Variants in HS3ST4 observed in about 807,000 individuals in gnomAD.
HS3ST4 encodes the protein heparan sulfate-glucosamine 3-sulfotransferase 4.
In HS3ST4, 17 loss-of-function variants were observed where a neutral mutation model predicts 29.2. The ratio of observed to expected loss-of-function variants is 0.58; its 90% CI spans 0.40 to 0.87. The LOEUF (loss-of-function observed/expected upper bound fraction) is 0.87. HS3ST4 is among the 40% of genes least tolerant of loss of function. HS3ST4 has a pLI of 0.00. For synonymous variants in HS3ST4, 314 were observed against 285.7 expected (o/e 1.10, Z -1.00); for missense variants, 627 against 634.5 (o/e 0.99, Z 0.13).
At chr16:25,743,223 T>G (rs1312111961) in intron 1 of HS3ST4, among the ~76,000 whole-genome samples, 1 of 152,190 alleles carries the variant, frequency 6.6e-6, no homozygotes, top group East Asian at 1.9e-4. Context: ...ATCTTGGCTG[T>G]GCATGCATCT....
At chr16:26,090,871 C>A (rs565233705) in intron 1 of HS3ST4, among the ~76,000 whole-genome samples, 2 of 152,084 alleles carry the variant, frequency 1.3e-5, no homozygotes, top group African/African-American at 4.8e-5. Context: ...TTGCAAGAAG[C>A]CCATAGTGGG....
At chr16:26,103,329 A>G (rs1436087896) in intron 1 of HS3ST4, among the ~76,000 whole-genome samples, 1 of 152,174 alleles carries the variant, frequency 6.6e-6, no homozygotes, top group Non-Finnish European at 1.5e-5. Flanking sequence ...AAGAAGTTGT[A>G]GTGTCTGATG....
At chr16:25,793,639 A>G (rs977010286) in intron 1 of HS3ST4, among the ~76,000 whole-genome samples, 1 of 151,942 alleles carries the variant, frequency 6.6e-6, no homozygotes, top group Non-Finnish European at 1.5e-5. Flanking sequence ...TAGCTTTCCC[A>G]GTCCCTTACT....
intron 1 of HS3ST4, among the ~76,000 whole-genome samples, chr16:25,738,634 A>G (rs1966628999): frequency 6.6e-6 from 1 of 152,138 alleles, no homozygotes; most frequent in Admixed American, 6.5e-5. Flanking sequence ...TGACAGTAGC[A>G]TCCCTTTGAG....
At chr16:26,036,357 C>T (rs935070069) in intron 1 of HS3ST4, among the ~76,000 whole-genome samples, 5 of 152,180 alleles carry the variant, frequency 3.3e-5, no homozygotes, top group Non-Finnish European at 7.3e-5. Flanking sequence ...TGCTCAAAAA[C>T]CATCTGTGAA....
At chr16:25,840,140 T>A (rs1355290858) in intron 1 of HS3ST4, among the ~76,000 whole-genome samples, 2 of 152,368 alleles carry the variant, frequency 1.3e-5, no homozygotes, top group Admixed American at 6.5e-5. Context: ...ATCACTTTCA[T>A]ACTGATACTC....
chr16:25,799,057 C>G (rs1253762420), intron 1 of HS3ST4, among the ~76,000 whole-genome samples: 1 of 152,066 alleles, frequency 6.6e-6, no homozygotes, highest in Admixed American at 6.6e-5. Flanking sequence ...ACTTGAATAC[C>G]CCGGTTGTCA....
chr16:25,940,865 C>A (rs541634801), intron 1 of HS3ST4, among the ~76,000 whole-genome samples: 14 of 152,344 alleles, frequency 9.2e-5, no homozygotes, highest in Admixed American at 5.9e-4. Flanking sequence ...CATCTCCCCC[C>A]AGCTCTCTCC....
chr16:25,996,238 T>C (rs1969158165), intron 1 of HS3ST4, among the ~76,000 whole-genome samples: 1 of 152,128 alleles, frequency 6.6e-6, no homozygotes. Flanking sequence ...GTATCCGCCA[T>C]TTGTTAAATG....
chr16:25,874,747 T>C (rs186231137), intron 1 of HS3ST4, among the ~76,000 whole-genome samples: 1 of 152,282 alleles, frequency 6.6e-6, no homozygotes, highest in Admixed American at 6.5e-5. Context: ...ATATAGTAGA[T>C]ACTCAATTAA....
At chr16:26,132,827 G>T (rs938312751) in intron 1 of HS3ST4, among the ~76,000 whole-genome samples, 1 of 152,102 alleles carries the variant, frequency 6.6e-6, no homozygotes, top group Admixed American at 6.5e-5. Flanking sequence ...ATCTGGAAAA[G>T]GCCGTATAAA....
intron 1 of HS3ST4, among the ~76,000 whole-genome samples, chr16:25,979,823 C>T (rs1173873793): frequency 6.6e-6 from 1 of 152,170 alleles, no homozygotes; most frequent in Non-Finnish European, 1.5e-5. Flanking sequence ...GACCTGGGCA[C>T]TTCTCCTCTC....
intron 1 of HS3ST4, among the ~76,000 whole-genome samples, chr16:25,913,907 T>C (rs1398805235): frequency 1.4e-5 from 2 of 145,954 alleles, no homozygotes; most frequent in Admixed American, 6.8e-5. Flanking sequence ...AGTGTATGTG[T>C]GTGCATATGT....
chr16:25,732,194 T>A lies in HS3ST4; in HGVS notation c.734+39043T>A, dbSNP rs146134870. 4.3e-4 allele frequency among the ~76,000 whole-genome samples: 66 copies of A among 152,312 alleles called. No homozygotes were observed. In the East Asian group the frequency reaches 8.7e-3, roughly 20 times the overall value. ...ATTGTCTAGAACACATATTGTGATT[T>A]TTCCCCTTTTCCACTTTCTCTTCTG... On this transcript the variant is annotated intron_variant, in intron 1 of 1. Transcript: ENST00000331351.
intron 1 of HS3ST4, among the ~76,000 whole-genome samples, chr16:26,073,190 T>G (rs1898620704): frequency 6.6e-6 from 1 of 152,190 alleles, no homozygotes; most frequent in Admixed American, 6.5e-5. Flanking sequence ...ATGCACCATT[T>G]TATGCCAATT....
intron 1 of HS3ST4, among the ~76,000 whole-genome samples, chr16:25,982,398 A>G: frequency 6.6e-6 from 1 of 152,312 alleles, no homozygotes; most frequent in African/African-American, 2.4e-5. Context: ...CCTGTGTAGG[A>G]TCATCCCGAC....
intron 1 of HS3ST4, among the ~76,000 whole-genome samples, chr16:25,761,672 G>A (rs530348830): frequency 1.1e-4 from 17 of 152,308 alleles, no homozygotes; most frequent in African/African-American, 3.6e-4. Context: ...ACAAAAGGCA[G>A]AGCATGTGCA....
intron 1 of HS3ST4, among the ~76,000 whole-genome samples, chr16:25,883,305 T>G (rs1280143206): frequency 6.6e-6 from 1 of 152,112 alleles, no homozygotes; most frequent in Non-Finnish European, 1.5e-5. Context: ...CTGTAGTCCC[T>G]GCCTTGAGTT....
chr16:25,994,372 CTTAT>C (rs1407508768), intron 1 of HS3ST4, among the ~76,000 whole-genome samples: 3 of 151,798 alleles, frequency 2.0e-5, no homozygotes, highest in African/African-American at 4.8e-5. Context: ...CTGATAATAA[CTTAT>C]TTATTCTCTT....
Sources: allele counts gnomAD v4.1 joint callset (sites outside exome capture counted in the v4.1 genomes callset), GRCh38; gene constraint gnomAD v4.1.1; transcripts MANE v1.5; gene names NCBI Gene and HGNC (gene_info 2026-07-23, HGNC 2026-07-21).